COL4A6: variants seen among roughly 807,000 people sequenced by gnomAD.
COL4A6 encodes collagen type IV alpha 6 chain.
COL4A6 carries 59 observed loss-of-function variants against 126.7 expected under a neutral mutation model. The observed-to-expected ratio is 0.47, with a 90% CI of 0.38 to 0.58. The LOEUF is 0.58. Among genes scored for constraint, COL4A6 ranks in the 20% least tolerant of loss-of-function variants. COL4A6 has a pLI of 0.00. For missense variants in COL4A6, 1,285 were observed against 1,337.3 expected, an observed-to-expected ratio of 0.96 and a Z score of 0.61; for synonymous variants, 547 against 496.6, an observed-to-expected ratio of 1.10 and a Z score of -1.35.
rs745757775 is a variant in COL4A6 at position 108,313,546 on chromosome X, C to A, written c.64-2718G>T. 9.0e-5 allele frequency among the ~76,000 whole-genome samples: 10 copies of A among 111,063 alleles called. No homozygotes were observed. The East Asian group carries it at 2.8e-3, about 31-fold the overall frequency. On this transcript the variant is annotated intron_variant, in intron 2 of 44. Transcript: ENST00000334504. ...CTTTAAGTTTTAGGGTACATGTGCACAACGTGCAGGTTTGTTACATATGTA... is the reference window on the plus strand; with the variant it reads ...CTTTAAGTTTTAGGGTACATGTGCAAAACGTGCAGGTTTGTTACATATGTA...
chrX:108,417,395 T>G, intron 2 of COL4A6, among the ~76,000 whole-genome samples: 1 of 112,010 alleles, frequency 8.9e-6, no homozygotes, highest in East Asian at 2.8e-4. Context: ...TGTTATCATA[T>G]TAGTAGTAGT....
chrX:108,271,817 C>A (rs1360948447), intron 3 of COL4A6, among the ~76,000 whole-genome samples: 1 of 112,077 alleles, frequency 8.9e-6, no homozygotes, highest in Non-Finnish European at 1.9e-5. Context: ...AAGAAGCAAA[C>A]TACTTTTAAC....
At chrX:108,334,370 A>G (rs1291139952) in intron 2 of COL4A6, among the ~76,000 whole-genome samples, 1 of 111,904 alleles carries the variant, frequency 8.9e-6, no homozygotes, top group Non-Finnish European at 1.9e-5. Flanking sequence ...CAGTGGGCAC[A>G]CAGACATCAG....
At chrX:108,433,144 G>A (rs1220557273) in intron 2 of COL4A6, among the ~76,000 whole-genome samples, 3 of 111,709 alleles carry the variant, frequency 2.7e-5, no homozygotes, top group African/African-American at 9.8e-5. Context: ...TAAATGAAGT[G>A]ATTTTGTTTA....
intron 3 of COL4A6, among the ~76,000 whole-genome samples, chrX:108,224,435 G>A (rs988064052): frequency 7.1e-5 from 8 of 111,967 alleles, no homozygotes; most frequent in Admixed American, 2.8e-4. Flanking sequence ...GTTGGCGGGC[G>A]TGCCAGCAGC....
chrX:108,192,359 T>C (rs977838627), intron 18 of COL4A6, 114 bp downstream of exon 18: 1 of 492,330 alleles, frequency 2.0e-6, no homozygotes, highest in Non-Finnish European at 3.5e-6. Flanking sequence ...ACAGTCTACC[T>C]CTTGTTTGAC....
intron 2 of COL4A6, among the ~76,000 whole-genome samples, chrX:108,431,284 T>G (rs745569940): frequency 8.9e-6 from 1 of 111,877 alleles, no homozygotes; most frequent in African/African-American, 3.2e-5. Context: ...TGAGGCAAGT[T>G]TGTGTCATAA....
At chrX:108,296,723 C>A (rs2038336433) in intron 3 of COL4A6, among the ~76,000 whole-genome samples, 1 of 111,670 alleles carries the variant, frequency 9.0e-6, no homozygotes, top group Non-Finnish European at 1.9e-5. Flanking sequence ...TTAATGTGTG[C>A]TAAGCACTTT....
At position 108,169,537 on chromosome X, in the gene COL4A6, C is replaced by T; in HGVS notation, c.3649G>A (p.Ala1217Thr). 1 of 1,211,842 alleles carries T rather than the reference C, an allele frequency of 8.3e-7. No homozygotes were observed. The highest frequency in any genetic ancestry group is 1.1e-6 in the Non-Finnish European group (1 of 895,546). Residue 1217 changes from alanine to threonine, a missense_variant, in exon 37 of 45, where the codon GCT (alanine) becomes ACT (threonine). By Grantham distance (58) the Ala-to-Thr change is moderately conservative. Coordinates refer to ENST00000334504, the MANE Select transcript of COL4A6 (RefSeq NM_033641.4). ...EKGYPGIGIGAPGKPGLRGQK... is the reference protein window; with the variant it reads ...EKGYPGIGIGTPGKPGLRGQK... The stretch of plus-strand genomic sequence containing the variant: ...CCTCTCAGGCCCGGCTTCCCTGGAG[C>T]TCCGATGCCAATTCCTGGATATCCT...
rs1174997524 is a variant in COL4A6 at position 108,361,756 on chromosome X, G to A, written c.64-50928C>T. 2.7e-5 allele frequency among the ~76,000 whole-genome samples: 3 copies of A among 111,677 alleles called. No homozygotes were observed. The Admixed American group carries it at 2.8e-4, about 11-fold the overall frequency. ...TATTAAGATCACCACAGCTTCTGAG[G>A]CCAGTGAAACCTCACTGATTTGAGA... is the stretch of plus-strand genomic sequence containing the variant. On this transcript the variant is annotated intron_variant, in intron 2 of 44. Coordinates refer to ENST00000334504, the MANE Select transcript of COL4A6 (RefSeq NM_033641.4).
At chrX:108,159,977 CTAAT>C (rs765261806) in intron 43 of COL4A6, 2 of 462,320 alleles carry the variant, frequency 4.3e-6, no homozygotes, top group African/African-American at 2.4e-5. Context: ...TAATTCTGCC[CTAAT>C]TAATCTGCTT....
intron 2 of COL4A6, among the ~76,000 whole-genome samples, chrX:108,375,734 T>G (rs1235232535): frequency 1.8e-5 from 2 of 108,282 alleles, no homozygotes; most frequent in Non-Finnish European, 3.8e-5. Flanking sequence ...TGTGATTAAG[T>G]TTAGCACAAT....
At chrX:108,389,303 A>C in intron 2 of COL4A6, among the ~76,000 whole-genome samples, 1 of 111,361 alleles carries the variant, frequency 9.0e-6, no homozygotes, top group Admixed American at 9.5e-5. Flanking sequence ...TCTGTCTAAT[A>C]TTGACAGTGG....
chrX:108,199,971 T>G (rs950138520), intron 13 of COL4A6, among the ~76,000 whole-genome samples: 1 of 111,925 alleles, frequency 8.9e-6, no homozygotes, highest in Non-Finnish European at 1.9e-5. Flanking sequence ...TGGACAAACC[T>G]CTTCACCCGT....
chrX:108,189,461 A>C (rs2034970266), intron 20 of COL4A6, among the ~76,000 whole-genome samples: 1 of 112,103 alleles, frequency 8.9e-6, no homozygotes, highest in African/African-American at 3.2e-5. Context: ...GATAATCCCT[A>C]TCACTATTCC....
chrX:108,439,056 C>A (rs991492402), upstream of COL4A6, among the ~76,000 whole-genome samples: 2 of 112,182 alleles, frequency 1.8e-5, no homozygotes, highest in Non-Finnish European at 3.8e-5. Flanking sequence ...CAGCTGCCAT[C>A]AACTCTATTT....
intron 3 of COL4A6, among the ~76,000 whole-genome samples, chrX:108,263,721 T>A (rs927590006): frequency 8.9e-6 from 1 of 112,054 alleles, no homozygotes; most frequent in African/African-American, 3.2e-5. Context: ...ATTGCTTGAA[T>A]CTCACCTCCA....
chrX:108,180,697 G>A (rs1297029343), intron 24 of COL4A6, 75 bp from the exon 25 acceptor site: 1 of 872,960 alleles, frequency 1.1e-6, no homozygotes, highest in African/African-American at 2.0e-5. Flanking sequence ...GTTCAGTCAA[G>A]AATCCCAGTC....
chrX:108,334,894 G>A (rs2039393832), intron 2 of COL4A6, among the ~76,000 whole-genome samples: 1 of 111,525 alleles, frequency 9.0e-6, no homozygotes, highest in Non-Finnish European at 1.9e-5. Context: ...GAGTATCACA[G>A]ATATTAACTC....
Sources: gnomAD v4.1 joint callset for allele counts (sites outside exome capture counted in the v4.1 genomes callset) on GRCh38, gnomAD v4.1.1 for gene constraint, MANE v1.5 for transcripts, NCBI Gene and HGNC (gene_info 2026-07-23, HGNC 2026-07-21) for gene names.